DOK6: variants seen among roughly 807,000 people sequenced by gnomAD.
The protein encoded by DOK6 is docking protein 6, also known as downstream of tyrosine kinase 6.
Under a neutral mutation model 44.0 loss-of-function variants are expected in DOK6, and 22 were observed. The ratio of observed to expected loss-of-function variants is 0.50; its 90% CI spans 0.36 to 0.71. The LOEUF is 0.71. Among genes scored for constraint, DOK6 ranks in the 30% least tolerant of loss-of-function variants. The probability of loss-of-function intolerance (pLI) is 0.00; values close to 1 mark genes in which losing one functional copy is unlikely to be tolerated. For missense variants in DOK6, 340 were observed against 416.4 expected, an observed-to-expected ratio of 0.82 and a Z score of 1.60; for synonymous variants, 166 against 145.5, an observed-to-expected ratio of 1.14 and a Z score of -1.01.
chr18:69,481,215 GA>G (rs1322946094), intron 1 of DOK6, among the ~76,000 whole-genome samples: 2 of 151,638 alleles, frequency 1.3e-5, no homozygotes, highest in Non-Finnish European at 2.9e-5. Flanking sequence ...GTGTGATGGG[GA>G]TTTTTTTTAT....
intron 3 of DOK6, among the ~76,000 whole-genome samples, chr18:69,602,192 T>C (rs1983889542): frequency 6.6e-6 from 1 of 152,140 alleles, no homozygotes; most frequent in Non-Finnish European, 1.5e-5. Flanking sequence ...AGCTTTGTGG[T>C]GGAGAAAACT....
At chr18:69,489,119 A>G (rs1470775698) in intron 1 of DOK6, among the ~76,000 whole-genome samples, 1 of 152,206 alleles carries the variant, frequency 6.6e-6, no homozygotes, top group Admixed American at 6.5e-5. Flanking sequence ...CAAGTTCACT[A>G]GTTAGATTGT....
At chr18:69,446,474 G>T (rs1979296390) in intron 1 of DOK6, among the ~76,000 whole-genome samples, 1 of 151,888 alleles carries the variant, frequency 6.6e-6, no homozygotes, top group South Asian at 2.1e-4. Context: ...CATTTGGGTT[G>T]GTTCCAAGTC....
chr18:69,838,237 TA>T (rs541410720), intron 7 of DOK6, among the ~76,000 whole-genome samples: 6,306 of 140,714 alleles, frequency 0.045, 318 homozygotes, highest in African/African-American at 0.13. Context: ...TCTAAAACTT[TA>T]AAAAAAAAAA....
chr18:69,424,861 C>T (rs538846457), intron 1 of DOK6, among the ~76,000 whole-genome samples: 39 of 152,214 alleles, frequency 2.6e-4, no homozygotes, highest in African/African-American at 8.7e-4. Context: ...TAAACATGCA[C>T]AACTTTTCAT....
At chr18:69,408,750 T>C (rs1978294371) in intron 1 of DOK6, among the ~76,000 whole-genome samples, 1 of 152,176 alleles carries the variant, frequency 6.6e-6, no homozygotes, top group African/African-American at 2.4e-5. Context: ...GCCCAGGCAT[T>C]GACAGTACTC....
At chr18:69,651,459 A>G (rs1985222244) in intron 3 of DOK6, among the ~76,000 whole-genome samples, 1 of 143,622 alleles carries the variant, frequency 7.0e-6, no homozygotes, top group South Asian at 2.2e-4. Flanking sequence ...CTTGCCCTGC[A>G]TTGCATCATC....
At chr18:69,812,812 A>G (rs1981281437) in intron 7 of DOK6, among the ~76,000 whole-genome samples, 1 of 152,100 alleles carries the variant, frequency 6.6e-6, no homozygotes, top group South Asian at 2.1e-4. Context: ...GGGCAGCAGG[A>G]AGGAGAAGTG....
At chr18:69,428,213 T>C (rs540126951) in intron 1 of DOK6, among the ~76,000 whole-genome samples, 2 of 152,168 alleles carry the variant, frequency 1.3e-5, no homozygotes, top group South Asian at 4.1e-4. Context: ...GAAAATAGAT[T>C]ATAAAATATA....
intron 1 of DOK6, among the ~76,000 whole-genome samples, chr18:69,502,521 T>C (rs1376649092): frequency 1.3e-5 from 2 of 152,142 alleles, no homozygotes; most frequent in Non-Finnish European, 2.9e-5. Context: ...AAGTAATAAG[T>C]GCTCAGCAGT....
intron 1 of DOK6, among the ~76,000 whole-genome samples, chr18:69,498,411 T>G (rs1478252681): frequency 6.6e-6 from 1 of 152,098 alleles, no homozygotes; most frequent in African/African-American, 2.4e-5. Context: ...AAGAACAGAG[T>G]TGGGATGAGT....
chr18:69,740,079 A>G (rs1013106270), intron 6 of DOK6, among the ~76,000 whole-genome samples: 3 of 152,194 alleles, frequency 2.0e-5, no homozygotes, highest in Non-Finnish European at 1.5e-5. Context: ...CATCTGGGGT[A>G]CGGTTAAAAA....
chr18:69,468,180 A>G (rs1254593564), intron 1 of DOK6, among the ~76,000 whole-genome samples: 1 of 152,294 alleles, frequency 6.6e-6, no homozygotes, highest in East Asian at 1.9e-4. Context: ...ATTTCTCATT[A>G]TAATGGAATT....
At chr18:69,506,834 C>A (rs1191629855) in intron 1 of DOK6, among the ~76,000 whole-genome samples, 1 of 151,752 alleles carries the variant, frequency 6.6e-6, no homozygotes, top group East Asian at 1.9e-4. Context: ...TAAATGATGG[C>A]AACATTTTGA....
chr18:69,475,481 G>A (rs1233526731), intron 1 of DOK6, among the ~76,000 whole-genome samples: 2 of 152,124 alleles, frequency 1.3e-5, no homozygotes, highest in Non-Finnish European at 2.9e-5. Context: ...CACAGAATTG[G>A]CAAATAGTTT....
chr18:69,601,281 T>A (rs1433779302), intron 3 of DOK6, among the ~76,000 whole-genome samples: 4 of 152,210 alleles, frequency 2.6e-5, no homozygotes, highest in Admixed American at 2.6e-4. Flanking sequence ...CTGATTTACA[T>A]CCTGATACTT....
At chr18:69,416,963 G>T (rs1485956634) in intron 1 of DOK6, among the ~76,000 whole-genome samples, 1 of 151,946 alleles carries the variant, frequency 6.6e-6, no homozygotes, top group African/African-American at 2.4e-5. Context: ...CATAATAGTT[G>T]TCCATATTTA....
intron 1 of DOK6, among the ~76,000 whole-genome samples, chr18:69,482,526 C>G (rs2144532047): frequency 6.6e-6 from 1 of 152,096 alleles, no homozygotes; most frequent in African/African-American, 2.4e-5. Flanking sequence ...CATTAAGTGT[C>G]CTCATGACAT....
intron 1 of DOK6, among the ~76,000 whole-genome samples, chr18:69,509,487 A>G (rs1239857624): frequency 6.6e-6 from 1 of 151,908 alleles, no homozygotes; most frequent in South Asian, 2.1e-4. Context: ...AAATAGAAAA[A>G]ATTAGCCGGG....
Sources: allele counts gnomAD v4.1 joint callset (sites outside exome capture counted in the v4.1 genomes callset), GRCh38; gene constraint gnomAD v4.1.1; transcripts MANE v1.5; gene names NCBI Gene and HGNC (gene_info 2026-07-23, HGNC 2026-07-21).